Variants in GRIA1 observed in about 807,000 individuals in gnomAD.
GRIA1 encodes glutamate ionotropic receptor AMPA type subunit 1, also known as glutamate receptor 1.
Under a neutral mutation model 99.2 loss-of-function variants are expected in GRIA1, and 31 were observed. The ratio of observed to expected loss-of-function variants is 0.31; its 90% CI spans 0.23 to 0.42. The LOEUF (loss-of-function observed/expected upper bound fraction) is 0.42, where lower values mean the gene tolerates loss of function less well. GRIA1 is among the 10% of genes least tolerant of loss of function. The pLI is 1.00. For missense variants in GRIA1, 782 were observed against 1,157.5 expected, an observed-to-expected ratio of 0.68 and a Z score of 4.71; for synonymous variants, 438 against 432.4, an observed-to-expected ratio of 1.01 and a Z score of -0.16.
At chr5:153,742,955 T>G (rs1010292204) in intron 11 of GRIA1, among the ~76,000 whole-genome samples, 2 of 152,188 alleles carry the variant, frequency 1.3e-5, no homozygotes, top group Non-Finnish European at 2.9e-5. Context: ...TAGATGTTTT[T>G]GGGGGGCAAA....
chr5:153,788,841 G>T (rs1489179332), intron 13 of GRIA1, among the ~76,000 whole-genome samples: 1 of 152,192 alleles, frequency 6.6e-6, no homozygotes, highest in Non-Finnish European at 1.5e-5. Flanking sequence ...CCCACTCAAT[G>T]TAGATGTCCC....
chr5:153,772,123 A>C (rs1284783647), intron 13 of GRIA1, among the ~76,000 whole-genome samples: 1 of 152,222 alleles, frequency 6.6e-6, no homozygotes, highest in Non-Finnish European at 1.5e-5. Context: ...TAATAAATAG[A>C]TAAAAATCAG....
intron 15 of GRIA1, among the ~76,000 whole-genome samples, chr5:153,806,188 T>C (rs1406829763): frequency 1.3e-5 from 2 of 152,190 alleles, no homozygotes; most frequent in South Asian, 2.1e-4. Context: ...GACATGGGCA[T>C]TTGATGAGAG....
chr5:153,655,359 C>T (rs534037112), intron 4 of GRIA1, among the ~76,000 whole-genome samples: 2 of 152,306 alleles, frequency 1.3e-5, no homozygotes, highest in South Asian at 4.2e-4. Flanking sequence ...CATTCATCCA[C>T]CATCCATCTA....
intron 13 of GRIA1, among the ~76,000 whole-genome samples, chr5:153,774,588 A>G (rs1411783420): frequency 1.3e-5 from 2 of 152,156 alleles, no homozygotes; most frequent in Non-Finnish European, 2.9e-5. Context: ...TAGTTGTATC[A>G]AGAGAGGACC....
chr5:153,802,506 C>T lies in GRIA1; in HGVS notation c.2520+16C>T, dbSNP rs150654120. On this transcript the variant is annotated intron_variant, in intron 15 of 15. Transcript: ENST00000285900. ...GCGGATGAAGGTGGCATCGTCTTCCCGGGCCTTTTTCCTAACCTGTTCTGT... is the reference window on the plus strand; with the variant it reads ...GCGGATGAAGGTGGCATCGTCTTCCTGGGCCTTTTTCCTAACCTGTTCTGT... The T allele has an allele frequency of 7.6e-5, 122 of 1,613,660 alleles. No individual in the cohort carries two copies. The highest frequency in any genetic ancestry group is 4.2e-4 in the East Asian group (19 of 44,852).
At chr5:153,810,658 C>T (rs1482622024) in intron 15 of GRIA1, among the ~76,000 whole-genome samples, 1 of 152,190 alleles carries the variant, frequency 6.6e-6, no homozygotes, top group Admixed American at 6.5e-5. Context: ...TCCAAGTTTC[C>T]AAACCCCTTT....
chr5:153,502,614 T>C lies in GRIA1; in HGVS notation c.220+8549T>C, dbSNP rs1755112836. Among the ~76,000 whole-genome samples, 6 of 152,310 alleles carry C rather than the reference T, an allele frequency of 3.9e-5. No homozygotes were observed. The South Asian group carries it at 1.2e-3, about 32-fold the overall frequency. On this transcript the variant is annotated intron_variant, in intron 2 of 15. Coordinates refer to ENST00000285900, the MANE Select transcript of GRIA1 (RefSeq NM_000827.4). ...GTTTGCCATTGATGTATGAGCCTTG[T>C]ATGCATCTTACGACTTTGGTGTGTC...
intron 11 of GRIA1, among the ~76,000 whole-genome samples, chr5:153,758,170 G>C (rs1055213809): frequency 2.0e-5 from 3 of 151,970 alleles, no homozygotes; most frequent in African/African-American, 7.2e-5. Flanking sequence ...TTTGAAACTA[G>C]AAAACATGTA....
intron 8 of GRIA1, among the ~76,000 whole-genome samples, chr5:153,687,611 T>G (rs1262641450): frequency 6.6e-6 from 1 of 152,194 alleles, no homozygotes; most frequent in Non-Finnish European, 1.5e-5. Flanking sequence ...TCAGTTGCAC[T>G]ATCTACATGT....
chr5:153,539,049 A>C (rs190868127), intron 2 of GRIA1, among the ~76,000 whole-genome samples: 1 of 152,230 alleles, frequency 6.6e-6, no homozygotes, highest in Non-Finnish European at 1.5e-5. Context: ...TGAAGGGGTA[A>C]CTAGCTGGCC....
intron 2 of GRIA1, among the ~76,000 whole-genome samples, chr5:153,506,678 C>T (rs554118543): frequency 6.6e-6 from 1 of 152,256 alleles, no homozygotes; most frequent in East Asian, 1.9e-4. Context: ...ATCTTCACTC[C>T]AGACACTGAA....
intron 5 of GRIA1, among the ~76,000 whole-genome samples, chr5:153,669,631 A>G (rs569345551): frequency 1.3e-5 from 2 of 152,342 alleles, no homozygotes; most frequent in Admixed American, 1.3e-4. Flanking sequence ...AAAATACAAT[A>G]TATTCACATG....
chr5:153,653,434 A>G (rs1754715063), intron 4 of GRIA1, among the ~76,000 whole-genome samples: 1 of 152,182 alleles, frequency 6.6e-6, no homozygotes, highest in African/African-American at 2.4e-5. Flanking sequence ...AAACCATTAG[A>G]AAGAGTTTAG....
At chr5:153,593,371 G>T (rs1264027317) in intron 2 of GRIA1, among the ~76,000 whole-genome samples, 1 of 152,048 alleles carries the variant, frequency 6.6e-6, no homozygotes, top group Non-Finnish European at 1.5e-5. Flanking sequence ...TTGTGTAGGG[G>T]GCACAAACAT....
In GRIA1 at chr5:153,674,626, C is replaced by G. The variant is rs1235828717; in HGVS notation, c.826C>G (p.Arg276Gly). Residue 276 changes from arginine (R) to glycine (G), a missense_variant, in exon 6 of 16, where the codon CGA becomes GGA. Arg to Gly is a moderately radical substitution (Grantham distance 125). Transcript: ENST00000285900. ...GCAGCAGTGGAAGAATAGTGATGCT[C>G]GAGACCACACACGGGTGGACTGGAA... ...IMQQWKNSDA[R>G]DHTRVDWKRP... The G allele has an allele frequency of 1.2e-6, 2 of 1,614,002 alleles. No homozygotes were observed. Among genetic ancestry groups the G allele is most frequent in the Non-Finnish European group, 1.7e-6 (2 of 1,179,954 alleles).
At chr5:153,808,428 G>A (rs778383311) in intron 15 of GRIA1, among the ~76,000 whole-genome samples, 2 of 152,040 alleles carry the variant, frequency 1.3e-5, no homozygotes, top group Non-Finnish European at 2.9e-5. Context: ...ACATTTAGAA[G>A]GTCATTCATC....
chr5:153,674,745 A>G, intron 6 of GRIA1, 84 bp downstream of exon 6: 1 of 1,385,142 alleles, frequency 7.2e-7, no homozygotes, highest in Non-Finnish European at 1.0e-6. Flanking sequence ...AGTCTTTACA[A>G]AGGAATCAGT....
chr5:153,707,058 G>T (rs908972575), intron 11 of GRIA1, among the ~76,000 whole-genome samples: 12 of 152,154 alleles, frequency 7.9e-5, no homozygotes, highest in Non-Finnish European at 1.6e-4. Flanking sequence ...GGCAGAGGTT[G>T]CAGTGAGGCA....
Sources: gnomAD v4.1 joint callset for allele counts (sites outside exome capture counted in the v4.1 genomes callset) on GRCh38, gnomAD v4.1.1 for gene constraint, MANE v1.5 for transcripts, NCBI Gene and HGNC (gene_info 2026-07-23, HGNC 2026-07-21) for gene names.